Variants in MSH3 observed in about 807,000 individuals in gnomAD.
The protein encoded by MSH3 is DNA mismatch repair protein Msh3.
MSH3 carries 106 observed loss-of-function variants against 123.3 expected under a neutral mutation model. The ratio of observed to expected loss-of-function variants is 0.86; its 90% CI spans 0.73 to 1.01. The LOEUF (loss-of-function observed/expected upper bound fraction) is 1.01, where lower values mean the gene tolerates loss of function less well. Among genes scored for constraint, MSH3 ranks in the 50% least tolerant of loss-of-function variants. MSH3 has a pLI of 0.00. For missense variants in MSH3, 1,459 were observed against 1,347.6 expected, an observed-to-expected ratio of 1.08 and a Z score of -1.29; for synonymous variants, 515 against 481.4, an observed-to-expected ratio of 1.07 and a Z score of -0.91.
intron 9 of MSH3, 62 bp downstream of exon 9, chr5:80,725,627 G>A: frequency 8.4e-6 from 9 of 1,074,908 alleles, no homozygotes; most frequent in Non-Finnish European, 1.3e-5. Context: ...AAAGGTATTA[G>A]TATGATTCTC....
chr5:80,841,239 CT>C (rs1252582054), intron 20 of MSH3, among the ~76,000 whole-genome samples: 2 of 151,918 alleles, frequency 1.3e-5, no homozygotes, highest in African/African-American at 2.4e-5. Flanking sequence ...TGAACTCATC[CT>C]TTTTTATGGC....
intron 22 of MSH3, among the ~76,000 whole-genome samples, chr5:80,871,196 C>T (rs1746207127): frequency 6.6e-6 from 1 of 152,160 alleles, no homozygotes; most frequent in Non-Finnish European, 1.5e-5. Context: ...GCAGAGAACT[C>T]TGAGGCTAGA....
chr5:80,769,675 A>C (rs1744184687), intron 15 of MSH3, among the ~76,000 whole-genome samples: 1 of 152,064 alleles, frequency 6.6e-6, no homozygotes, highest in South Asian at 2.1e-4. Flanking sequence ...TGAAGATTCA[A>C]ACTGAGGGAG....
intron 20 of MSH3, among the ~76,000 whole-genome samples, chr5:80,821,461 T>C (rs534676127): frequency 6.6e-6 from 1 of 152,362 alleles, no homozygotes; most frequent in African/African-American, 2.4e-5. Context: ...AAGTTATCAT[T>C]AGTCTGAAAC....
intron 20 of MSH3, among the ~76,000 whole-genome samples, chr5:80,830,843 G>A (rs1206884500): frequency 6.6e-6 from 1 of 152,224 alleles, no homozygotes; most frequent in Admixed American, 6.5e-5. Flanking sequence ...ATTCTCATCA[G>A]TGTTTCCACG....
intron 22 of MSH3, among the ~76,000 whole-genome samples, chr5:80,870,774 T>G (rs1720112789): frequency 6.6e-6 from 1 of 152,102 alleles, no homozygotes; most frequent in African/African-American, 2.4e-5. Flanking sequence ...GTCTTTGGCT[T>G]TTTAAATTTT....
chr5:80,790,292 T>C (rs1744586217), intron 18 of MSH3, among the ~76,000 whole-genome samples: 2 of 152,198 alleles, frequency 1.3e-5, no homozygotes, highest in African/African-American at 2.4e-5. Context: ...CAGTATACTC[T>C]ACTGTAAGGG....
intron 20 of MSH3, 98 bp downstream of exon 20, chr5:80,813,839 A>C: frequency 7.7e-7 from 1 of 1,301,070 alleles, no homozygotes; most frequent in African/African-American, 1.5e-5. Context: ...AGATGCTCTT[A>C]AAGCACTCAA....
At chr5:80,663,095 G>C (rs939575326) in intron 2 of MSH3, among the ~76,000 whole-genome samples, 1 of 152,014 alleles carries the variant, frequency 6.6e-6, no homozygotes, top group Admixed American at 6.6e-5. Flanking sequence ...AAAATTAGTT[G>C]GCCATGGTGG....
At chr5:80,863,669 A>AG (rs1189893180) in intron 21 of MSH3, among the ~76,000 whole-genome samples, 4 of 152,088 alleles carry the variant, frequency 2.6e-5, no homozygotes, top group African/African-American at 4.8e-5. Context: ...AAAAAAAAAA[A>AG]AAAGAAAAGA....
At chr5:80,677,228 A>G (rs1561438969) in intron 7 of MSH3, among the ~76,000 whole-genome samples, 1 of 152,128 alleles carries the variant, frequency 6.6e-6, no homozygotes, top group Non-Finnish European at 1.5e-5. Context: ...AGTATTGGTA[A>G]TTAGTCTGAA....
At position 80,786,752 on chromosome 5, in the gene MSH3, C is replaced by A. The variant is rs903479450; in HGVS notation, c.2436-813C>A. On this transcript the variant is annotated intron_variant, in intron 17 of 23. Coordinates refer to ENST00000265081, the MANE Select transcript of MSH3 (RefSeq NM_002439.5). ...GATGTCCACAATTTATACGACACTA[C>A]ACACATTGACATAAAATACTATGAT... is the stretch of plus-strand genomic sequence containing the variant. Among the ~76,000 whole-genome samples the A allele has an allele frequency of 5.3e-5, 8 of 152,084 alleles. No homozygotes were observed. In the South Asian group the frequency reaches 6.2e-4, roughly 12 times the overall value.
intron 12 of MSH3, among the ~76,000 whole-genome samples, chr5:80,745,996 A>G (rs999446393): frequency 8.5e-5 from 13 of 152,050 alleles, no homozygotes; most frequent in Admixed American, 7.2e-4. Flanking sequence ...TTTTTTTACA[A>G]TGCCAACTTT....
rs1458912345 is a variant in MSH3, at chr5:80,876,405, C to G, written c.*543C>G. On this transcript the variant is annotated 3_prime_UTR_variant, in exon 24 of 24. Coordinates refer to ENST00000265081, the MANE Select transcript of MSH3 (RefSeq NM_002439.5). ...ATCACCTGAGGTCAGGAGTTCAAGACCAGCCTGGCCAACATGGCAAAACCC... is the reference window on the plus strand; with the variant it reads ...ATCACCTGAGGTCAGGAGTTCAAGAGCAGCCTGGCCAACATGGCAAAACCC... 2.3e-5 allele frequency: 4 copies of G among 171,190 alleles called. No individual in the cohort carries two copies. The East Asian group carries it at 4.4e-4, about 19-fold the overall frequency. 10.6% of individuals were successfully genotyped at this position (171,190 alleles called of 1,614,324 possible).
chr5:80,863,529 G>A (rs887220245), intron 21 of MSH3, among the ~76,000 whole-genome samples: 3 of 152,058 alleles, frequency 2.0e-5, no homozygotes, highest in African/African-American at 7.2e-5. Context: ...AAATTAGCCA[G>A]GCGTGGTGGC....
At chr5:80,809,969 A>G (rs1703962072) in intron 19 of MSH3, among the ~76,000 whole-genome samples, 1 of 152,030 alleles carries the variant, frequency 6.6e-6, no homozygotes, top group Non-Finnish European at 1.5e-5. Flanking sequence ...CTATTTACCC[A>G]TCACACAAAT....
Position 80,654,944 on chromosome 5 carries a change from C to G in MSH3, c.217C>G (p.Pro73Ala). The G allele has an allele frequency of 6.7e-7, 1 of 1,486,904 alleles. No individual in the cohort carries two copies. The highest frequency in any genetic ancestry group is 8.9e-7 in the Non-Finnish European group (1 of 1,119,380). The allele number at this position is 1,486,904 out of a possible 1,614,324, so 92.1% of individuals were successfully genotyped here. Residue 73 changes from proline to alanine, a missense_variant, in exon 1 of 24, where the codon CCC becomes GCC. Transcript: ENST00000265081. Reference sequence around the variant, plus strand: ...AGCGCCCCCAGCTCCCGCCTTCCCGCCCCAGCTGCCGCCGCACATAGTAGG... The same window carrying G: ...AGCGCCCCCAGCTCCCGCCTTCCCGGCCCAGCTGCCGCCGCACATAGTAGG... ...PPAPPAPAFP[P>A]QLPPHIATEI...
At chr5:80,688,069 TGTTATA>T (rs1750134347) in intron 8 of MSH3, among the ~76,000 whole-genome samples, 1 of 152,210 alleles carries the variant, frequency 6.6e-6, no homozygotes, top group African/African-American at 2.4e-5. Flanking sequence ...TTATTGACTC[TGTTATA>T]GTTTACTGAA....
At chr5:80,657,092 C>T (rs1344384266) in intron 2 of MSH3, among the ~76,000 whole-genome samples, 2 of 152,016 alleles carry the variant, frequency 1.3e-5, no homozygotes, top group East Asian at 1.9e-4. Context: ...TCTACTCTCC[C>T]CGCTTTTTTT....
Sources: gnomAD v4.1 joint callset for allele counts (sites outside exome capture counted in the v4.1 genomes callset) on GRCh38, gnomAD v4.1.1 for gene constraint, MANE v1.5 for transcripts, NCBI Gene and HGNC (gene_info 2026-07-23, HGNC 2026-07-21) for gene names.